Variants in SYK observed in about 807,000 individuals in gnomAD.
SYK encodes the protein tyrosine-protein kinase SYK.
In SYK, 16 loss-of-function variants were observed where a neutral mutation model predicts 77.8. That is an observed-to-expected ratio of 0.21 (90% CI 0.14 to 0.31). The LOEUF is 0.31. SYK is among the 10% of genes least tolerant of loss of function. The pLI, the probability that SYK is intolerant of heterozygous loss-of-function variation, is 1.00. For synonymous variants in SYK, 312 were observed against 308.7 expected (o/e 1.01, Z -0.11); for missense variants, 529 against 814.4 (o/e 0.65, Z 4.26).
At chr9:90,803,931 C>A (rs1161199288) in intron 1 of SYK, among the ~76,000 whole-genome samples, 2 of 151,568 alleles carry the variant, frequency 1.3e-5, no homozygotes, top group Admixed American at 6.6e-5. Context: ...AATATTCTCA[C>A]TAAGTGGAAT....
At chr9:90,890,932 C>T (rs1828758222) in intron 13 of SYK, among the ~76,000 whole-genome samples, 1 of 152,148 alleles carries the variant, frequency 6.6e-6, no homozygotes, top group East Asian at 1.9e-4. Context: ...AGCTCTCTTT[C>T]CTGCAGAGAG....
At position 90,884,637 on chromosome 9, in the gene SYK, A is replaced by G. The variant is rs1378537778; in HGVS notation, c.1582-3112A>G. Among the ~76,000 whole-genome samples the G allele has an allele frequency of 6.6e-5, 4 of 60,530 alleles. 1 individual carries two copies. The highest frequency in any genetic ancestry group is 3.6e-4 in the Admixed American group (2 of 5,612). The allele number at this position is 60,530 out of a possible 152,430, so 39.7% of individuals were successfully genotyped here. On this transcript the variant is annotated intron_variant, in intron 11 of 13. Coordinates refer to ENST00000375754, the MANE Select transcript of SYK (RefSeq NM_003177.7). ...CACATATACACATATGTGTACATGTACATATATACACATATACACATATGT... is the reference window on the plus strand; with the variant it reads ...CACATATACACATATGTGTACATGTGCATATATACACATATACACATATGT...
intron 1 of SYK, among the ~76,000 whole-genome samples, chr9:90,817,343 T>G (rs1179783128): frequency 6.6e-6 from 1 of 152,204 alleles, no homozygotes; most frequent in Non-Finnish European, 1.5e-5. Flanking sequence ...ATTTTATATA[T>G]TTTAGATCAC....
chr9:90,816,803 T>C (rs964716927), intron 1 of SYK, among the ~76,000 whole-genome samples: 7 of 152,266 alleles, frequency 4.6e-5, no homozygotes, highest in African/African-American at 1.7e-4. Flanking sequence ...TTTGTTTTTC[T>C]GTGCTTGACT....
chr9:90,878,506 G>T (rs145670328), intron 10 of SYK, among the ~76,000 whole-genome samples: 1 of 152,152 alleles, frequency 6.6e-6, no homozygotes, highest in Non-Finnish European at 1.5e-5. Context: ...TGTGAGCCAG[G>T]CCTGACTACT....
chr9:90,863,689 A>G (rs1228191320), intron 4 of SYK, among the ~76,000 whole-genome samples: 1 of 152,196 alleles, frequency 6.6e-6, no homozygotes, highest in Admixed American at 6.5e-5. Context: ...CAAAGCCCCA[A>G]AGCACATCAG....
intron 1 of SYK, among the ~76,000 whole-genome samples, chr9:90,828,269 T>G (rs1280993708): frequency 1.4e-5 from 1 of 72,906 alleles, no homozygotes; most frequent in Non-Finnish European, 2.6e-5. Flanking sequence ...CCTTCACAGC[T>G]GAGTAGGAAA....
At chr9:90,871,540 T>C (rs553307627) in intron 7 of SYK, among the ~76,000 whole-genome samples, 1 of 152,350 alleles carries the variant, frequency 6.6e-6, no homozygotes, top group East Asian at 1.9e-4. Flanking sequence ...GCATTTTCTT[T>C]TAGAGATTGT....
intron 1 of SYK, among the ~76,000 whole-genome samples, chr9:90,805,766 CT>C (rs1027586713): frequency 3.3e-5 from 5 of 152,146 alleles, no homozygotes; most frequent in Non-Finnish European, 7.4e-5. Context: ...GTTAATTTCT[CT>C]TTTTGTTTAA....
chr9:90,848,426 C>T lies in SYK; in HGVS notation c.578+2832C>T, dbSNP rs1366303182. On this transcript the variant is annotated intron_variant, in intron 3 of 13. Coordinates refer to ENST00000375754, the MANE Select transcript of SYK (RefSeq NM_003177.7). ...GGCCAACGTTGCAGGAAGTCCCAGA[C>T]CTGGTTTTGAATCATCCAAATCTGC... Among the ~76,000 whole-genome samples the T allele has an allele frequency of 4.6e-5, 7 of 152,194 alleles. No homozygotes were observed. The East Asian group carries it at 1.3e-3, about 29-fold the overall frequency.
chr9:90,894,327 C>T (rs1828900972), intron 13 of SYK, among the ~76,000 whole-genome samples: 1 of 152,182 alleles, frequency 6.6e-6, no homozygotes, highest in South Asian at 2.1e-4. Flanking sequence ...AGACAAAGCC[C>T]CTCTCAGTGA....
intron 1 of SYK, among the ~76,000 whole-genome samples, chr9:90,803,583 G>T (rs895513069): frequency 2.0e-5 from 3 of 151,834 alleles, no homozygotes; most frequent in Non-Finnish European, 4.4e-5. Context: ...CCTGATCTTT[G>T]TTAGGCCCCT....
chr9:90,853,461 G>A (rs1826897316), intron 3 of SYK, among the ~76,000 whole-genome samples: 3 of 151,942 alleles, frequency 2.0e-5, no homozygotes, highest in African/African-American at 7.2e-5. Context: ...GCAAAGACTT[G>A]GAACCAACCC....
intron 3 of SYK, among the ~76,000 whole-genome samples, chr9:90,858,195 A>T (rs1827117213): frequency 6.6e-6 from 1 of 152,156 alleles, no homozygotes; most frequent in Non-Finnish European, 1.5e-5. Flanking sequence ...CAGAGTCAAC[A>T]TGCCTCACCT....
chr9:90,871,025 T>C (rs1827709699), intron 7 of SYK, among the ~76,000 whole-genome samples: 1 of 152,248 alleles, frequency 6.6e-6, no homozygotes, highest in African/African-American at 2.4e-5. Context: ...CACCAGCTTT[T>C]AAACATAGGC....
chr9:90,864,526 A>T, intron 4 of SYK, 63 bp from the exon 5 acceptor site: 1 of 1,414,720 alleles, frequency 7.1e-7, no homozygotes, highest in Non-Finnish European at 1.0e-6. Context: ...AGTAGCTCTC[A>T]GTCACTATTT....
rs534826340 is a variant in SYK at position 90,894,095 on chromosome 9, T to A, written c.1836-1433T>A. ...CTGCATTTGTTTGCTCCTTGGCTGC[T>A]GGGCAGATGAACCCCCAGAGCAAGA... On this transcript the variant is annotated intron_variant, in intron 13 of 13. Coordinates refer to ENST00000375754, the MANE Select transcript of SYK (RefSeq NM_003177.7). 1.6e-3 allele frequency among the ~76,000 whole-genome samples: 240 copies of A among 152,342 alleles called. 1 individual carries two copies. Among genetic ancestry groups the A allele is most frequent in the African/African-American group, 5.5e-3 (230 of 41,576 alleles).
intron 1 of SYK, among the ~76,000 whole-genome samples, chr9:90,824,265 A>G (rs756567883): frequency 6.6e-6 from 1 of 152,172 alleles, no homozygotes; most frequent in African/African-American, 2.4e-5. Flanking sequence ...AACAGAAATC[A>G]TCAGGCCCAG....
At chr9:90,876,775 T>G (rs1326952321) in intron 9 of SYK, among the ~76,000 whole-genome samples, 1 of 152,254 alleles carries the variant, frequency 6.6e-6, no homozygotes, top group Non-Finnish European at 1.5e-5. Context: ...CCAGGTCTTC[T>G]TCAGCCTCTC....
Sources: gnomAD v4.1 joint callset for allele counts (sites outside exome capture counted in the v4.1 genomes callset) on GRCh38, gnomAD v4.1.1 for gene constraint, MANE v1.5 for transcripts, NCBI Gene and HGNC (gene_info 2026-07-23, HGNC 2026-07-21) for gene names.